Variants in ELMO3 observed in about 807,000 individuals in gnomAD.
ELMO3 encodes engulfment and cell motility protein 3.
Under a neutral mutation model 89.0 loss-of-function variants are expected in ELMO3, and 81 were observed. That is an observed-to-expected ratio of 0.91 (90% confidence interval 0.76 to 1.09). ELMO3 has a LOEUF of 1.09. ELMO3 is among the 50% of genes least tolerant of loss of function. ELMO3 has a pLI of 0.00. For synonymous variants in ELMO3, 406 were observed against 400.6 expected (o/e 1.01, Z -0.16); for missense variants, 959 against 972.8 (o/e 0.99, Z 0.19).
Position 67,200,947 on chromosome 16 carries a change from G to A in ELMO3, c.723G>A (p.Gly241=), listed in dbSNP as rs750396329. 6 of 1,609,398 alleles carry A rather than the reference G, an allele frequency of 3.7e-6. No individual in the cohort carries two copies. The highest frequency in any genetic ancestry group is 1.3e-5 in the African/African-American group (1 of 74,752). Residue 241 remains glycine (G), a synonymous_variant, in exon 8 of 20, where the codon GGG becomes GGA. Transcript: ENST00000393997. ...AMALLTALLQ[G]ASPVERKHML... ...CCCTGCTGACAGCCTTGCTGCAGGG[G>A]GCCAGCCCTGTGGAACGCAAGGTGA...
intron 8 of ELMO3, 81 bp downstream of exon 8, chr16:67,201,049 C>CTT (rs797015351): frequency 2.5e-3 from 2,798 of 1,123,642 alleles, no homozygotes; most frequent in Non-Finnish European, 2.8e-3. Context: ...CTAAGCCCCC[C>CTT]TTTTTTTTTT....
intron 14 of ELMO3, 45 bp downstream of exon 14, chr16:67,202,578 T>C: frequency 6.2e-7 from 1 of 1,612,416 alleles, no homozygotes; most frequent in Admixed American, 1.7e-5. Context: ...GGCAGGGGGC[T>C]GATCTGGGTA....
rs761955738 is a variant in ELMO3 at position 67,203,570 on chromosome 16, C to A, written c.1937C>A (p.Pro646His). 11 of 1,613,990 alleles carry A rather than the reference C, an allele frequency of 6.8e-6. No individual in the cohort carries two copies. The highest frequency in any genetic ancestry group is 7.6e-6 in the Non-Finnish European group (9 of 1,180,036). ...GAAGCGTACCTCAACTTCATTGCCCCCTCCAAGCGGGAGGTGAGTGTCCGC... is the reference window on the plus strand; with the variant it reads ...GAAGCGTACCTCAACTTCATTGCCCACTCCAAGCGGGAGGTGAGTGTCCGC... Reference protein sequence around the residue: ...EEEAYLNFIAPSKREFYLWTD... With the variant: ...EEEAYLNFIAHSKREFYLWTD... The change falls in exon 19 of 20, where the codon CCC becomes CAC. Residue 646 changes from proline to histidine, a missense_variant. Physicochemically the swap from Pro to His is moderately conservative, Grantham distance 77 (BLOSUM62 -2). Transcript: ENST00000393997. This position sits in a 1 kb window ranked among gnomAD's most constrained non-coding sequence, Gnocchi z 4.6.
Position 67,202,053 on chromosome 16 carries a change from G to A in ELMO3, c.1127G>A (p.Arg376Lys). The change falls in exon 12 of 20, where the codon AGA becomes AAA. Residue 376 changes from arginine to lysine, a missense_variant. By Grantham distance (26) the Arg-to-Lys change is conservative. Coordinates refer to ENST00000393997, the MANE Select transcript of ELMO3 (RefSeq NM_024712.5). ...CTGGACAACATGTTGTACTTCTCCAGAAACGCGCCCAGCGCGTACAGCCGG... is the reference window on the plus strand; with the variant it reads ...CTGGACAACATGTTGTACTTCTCCAAAAACGCGCCCAGCGCGTACAGCCGG... ...LALDNMLYFS[R>K]NAPSAYSRFV... 1 of 1,414,050 alleles carries A rather than the reference G, an allele frequency of 7.1e-7. No homozygotes were observed. The highest frequency in any genetic ancestry group is 9.5e-7 in the Non-Finnish European group (1 of 1,050,068). The allele number at this position is 1,414,050 out of a possible 1,614,324, so 87.6% of individuals were successfully genotyped here. A position where few individuals can be genotyped will look rare whatever the true frequency, so the allele number is the denominator to read the frequency against.
In ELMO3 at chr16:67,200,709, C is replaced by A; in HGVS notation, c.566C>A (p.Ala189Asp). ...NLMDASVPPL[A>D]LGLLESVTLS... ...ATGGATGCCTCCGTGCCTCCCCTGG[C>A]CCTTGGGCTGCTGGAGAGTGTGACC... The change falls in exon 7 of 20, where the codon GCC (alanine) becomes GAC (aspartate). Residue 189 changes from alanine (A) to aspartate (D), a missense_variant. By Grantham distance (126) the Ala-to-Asp change is moderately radical (BLOSUM62 -2). Transcript: ENST00000393997. The A allele has an allele frequency of 5.0e-6, 8 of 1,613,586 alleles. No individual in the cohort carries two copies. The highest frequency in any genetic ancestry group is 6.8e-6 in the Non-Finnish European group (8 of 1,180,000).
Position 67,199,295 on chromosome 16 carries a change from G to T in ELMO3, c.-32G>T, listed in dbSNP as rs780733882. On this transcript the variant is annotated 5_prime_UTR_variant, in exon 1 of 20. Coordinates refer to ENST00000393997, the MANE Select transcript of ELMO3 (RefSeq NM_024712.5). ...CTTGGCCGCAGGTGCACGGTCTCCG[G>T]AAAGTGCAGGCGCCCACGTCCCAGC... 8.7e-6 allele frequency: 14 copies of T among 1,612,356 alleles called. No homozygotes were observed. The highest frequency in any genetic ancestry group is 1.1e-5 in the Non-Finnish European group (13 of 1,179,884).
Position 67,200,250 on chromosome 16 carries a change from G to A in ELMO3, c.302G>A (p.Arg101Gln), listed in dbSNP as rs1354531329. Residue 101 changes from arginine (R) to glutamine (Q), a missense_variant, in exon 5 of 20, where the codon CGG (arginine) becomes CAG (glutamine). Transcript: ENST00000393997. ...CAGAGTAACAGTCCTGAAGGGCGCC[G>A]GGAAGCCCTGAGGCGCCTTGTTCCG... is the stretch of plus-strand genomic sequence containing the variant. ...GLQSNSPEGR[R>Q]EALRRLVPLA... The A allele has an allele frequency of 4.3e-6, 7 of 1,613,618 alleles. No individual in the cohort carries two copies. Among genetic ancestry groups the A allele is most frequent in the Admixed American group, 3.3e-5 (2 of 60,010 alleles).
chr16:67,200,593 A>C (rs758977132), intron 6 of ELMO3, 43 bp downstream of exon 6: 13 of 1,612,120 alleles, frequency 8.1e-6, no homozygotes, highest in African/African-American at 1.3e-5. Flanking sequence ...GCAGTGGAGC[A>C]GTGGGGCAGT....
rs749786124 is a variant in ELMO3, at chr16:67,200,776, GC to G, written c.637del (p.Leu213TrpfsTer10). The G allele has an allele frequency of 6.2e-7, 1 of 1,613,476 alleles. No individual in the cohort carries two copies. The highest frequency in any genetic ancestry group is 1.1e-5 in the South Asian group (1 of 91,050). On this transcript the variant is annotated frameshift_variant, in exon 7 of 20. Coordinates refer to ENST00000393997, the MANE Select transcript of ELMO3 (RefSeq NM_024712.5). LOFTEE classifies it high-confidence loss of function. ...ALGQLVKSEV[P>X]LDRLLVHLQV... ...TGGGCCAGCTGGTCAAGAGCGAGGT[GC>G]CCCTGGATAGGCTGCTGGTGCACCT...
rs753596419 is a variant in ELMO3, at chr16:67,201,212, A to ATTTT, written c.745-151_745-148dup. Among the ~76,000 whole-genome samples, 414 of 94,234 alleles carry ATTTT rather than the reference A, an allele frequency of 4.4e-3. 9 individuals carry two copies. The highest frequency in any genetic ancestry group is 0.019 in the African/African-American group (396 of 20,516). 61.8% of individuals were successfully genotyped at this position (94,234 alleles called of 152,430 possible). A position where few individuals can be genotyped will look rare whatever the true frequency, so the allele number is the denominator to read the frequency against. Reference sequence around the variant, plus strand: ...AGGCTCCCGCCACCACGCCCAGCTGATTTTTTTTTTTTTTTTTTTTTTTTT... The same window carrying ATTTT: ...AGGCTCCCGCCACCACGCCCAGCTGATTTTTTTTTTTTTTTTTTTTTTTTTTTTT... On this transcript the variant is annotated intron_variant, in intron 8 of 19. Transcript: ENST00000393997.
rs1457503471 is a variant in ELMO3, at chr16:67,203,964, CAG to C, written c.*91_*92del. The C allele has an allele frequency of 1.7e-6, 2 of 1,157,088 alleles. No individual in the cohort carries two copies. Among genetic ancestry groups the C allele is most frequent in the Admixed American group, 5.5e-5 (2 of 36,438 alleles). 71.7% of individuals were successfully genotyped at this position (1,157,088 alleles called of 1,614,324 possible). ...AGAGGAGTGCAGGCACCCTGACCAG[CAG>C]AGATTGCTGCAGAAATAAAGTCTGC... On this transcript the variant is annotated 3_prime_UTR_variant, in exon 20 of 20. Transcript: ENST00000393997. This position sits in a 1 kb window ranked among gnomAD's most constrained non-coding sequence, Gnocchi z 4.6.
Position 67,199,594 on chromosome 16 carries a change from G to GT in ELMO3, c.119+2dup, listed in dbSNP as rs1339730600. On this transcript the variant is annotated splice_donor_variant, in intron 2 of 19. Transcript: ENST00000393997. LOFTEE classifies it high-confidence loss of function. ...CTGTGCTGAAGGAGGTGTGCGACGC[G>GT]TGAGTGCTGCCGGGCCAGGGCCTGC... 2 of 1,609,498 alleles carry GT rather than the reference G, an allele frequency of 1.2e-6. No individual in the cohort carries two copies. The highest frequency in any genetic ancestry group is 1.7e-6 in the Non-Finnish European group (2 of 1,179,250).
chr16:67,202,311 T>C lies in ELMO3; in HGVS notation c.1261+27T>C, dbSNP rs375464299. ...TGAGTGGCCTGGACTGGGCACAGCA[T>C]GGCCAAGAGCAGGGGACGGAAGGGC... On this transcript the variant is annotated intron_variant, in intron 13 of 19. Coordinates refer to ENST00000393997, the MANE Select transcript of ELMO3 (RefSeq NM_024712.5). The C allele has an allele frequency of 4.4e-5, 71 of 1,613,256 alleles. No individual in the cohort carries two copies. In the African/African-American group the frequency reaches 8.1e-4, roughly 18 times the overall value.
In ELMO3 at chr16:67,201,813, G is replaced by C; in HGVS notation, c.990G>C (p.Gly330=). Residue 330 remains glycine, a synonymous_variant, in exon 11 of 20, where the codon GGG becomes GGC. Coordinates refer to ENST00000393997, the MANE Select transcript of ELMO3 (RefSeq NM_024712.5). ...FEVEGESSGA[G]LSADRRRSLC... ...TGGAGGGGGAGTCCTCGGGTGCCGG[G>C]CTAAGTGCTGACCGTCGCCGTTCCC... The C allele has an allele frequency of 1.2e-6, 2 of 1,612,048 alleles. No individual in the cohort carries two copies. Among genetic ancestry groups the C allele is most frequent in the Non-Finnish European group, 8.5e-7 (1 of 1,179,976 alleles).
rs747919303 is a variant in ELMO3 at position 67,199,605 on chromosome 16, C to T, written c.119+12C>T. On this transcript the variant is annotated intron_variant, in intron 2 of 19. Coordinates refer to ENST00000393997, the MANE Select transcript of ELMO3 (RefSeq NM_024712.5). ...GAGGTGTGCGACGCGTGAGTGCTGC[C>T]GGGCCAGGGCCTGCGGAGGGCGGGA... The T allele has an allele frequency of 7.5e-6, 12 of 1,609,148 alleles. No homozygotes were observed. Among genetic ancestry groups the T allele is most frequent in the East Asian group, 2.2e-5 (1 of 44,808 alleles).
At position 67,200,650 on chromosome 16, in the gene ELMO3, C is replaced by T. The variant is rs775987744; in HGVS notation, c.514-7C>T. 6.2e-6 allele frequency: 10 copies of T among 1,611,648 alleles called. No homozygotes were observed. Among genetic ancestry groups the T allele is most frequent in the Non-Finnish European group, 8.5e-6 (10 of 1,178,714 alleles). ...GGGTGAGGTGGTGACACCCCCGCCC[C>T]TTACAGGTGGTGTGCTACGTGAACA... is the stretch of plus-strand genomic sequence containing the variant. On this transcript the variant is annotated splice_polypyrimidine_tract_variant and splice_region_variant and intron_variant, in intron 6 of 19. Transcript: ENST00000393997.
At chr16:67,201,070 G>A (rs1279270296) in intron 8 of ELMO3, 102 bp downstream of exon 8, 5 of 1,261,000 alleles carry the variant, frequency 4.0e-6, no homozygotes, top group Non-Finnish European at 5.3e-6. Context: ...TTTTGAGATG[G>A]AGTCTTGCTC....
At position 67,200,740 on chromosome 16, in the gene ELMO3, C is replaced by G. The variant is rs1343302844; in HGVS notation, c.597C>G (p.Ser199Arg). The G allele has an allele frequency of 1.2e-6, 2 of 1,613,496 alleles. No individual in the cohort carries two copies. Among genetic ancestry groups the G allele is most frequent in the Non-Finnish European group, 1.7e-6 (2 of 1,180,008 alleles). ...GGCTGCTGGAGAGTGTGACCTTGAG[C>G]AGCCCAGCCCTGGGCCAGCTGGTCA... ...ALGLLESVTL[S>R]SPALGQLVKS... is the part of the protein sequence containing the mutation. The change falls in exon 7 of 20, where the codon AGC becomes AGG. Residue 199 changes from serine to arginine, a missense_variant. Transcript: ENST00000393997.
rs776823396 is a variant in ELMO3, at chr16:67,199,539, C to T, written c.79-14C>T. On this transcript the variant is annotated splice_polypyrimidine_tract_variant and intron_variant, in intron 1 of 19. Coordinates refer to ENST00000393997, the MANE Select transcript of ELMO3 (RefSeq NM_024712.5). ...TCCCTGCCCAGGCCGCGAGAATGACCACTCCACTTGCAGGCGAAGCCCCTG... is the reference window on the plus strand; with the variant it reads ...TCCCTGCCCAGGCCGCGAGAATGACTACTCCACTTGCAGGCGAAGCCCCTG... The T allele has an allele frequency of 4.4e-6, 7 of 1,601,608 alleles. No homozygotes were observed. In the East Asian group the frequency reaches 1.6e-4, roughly 36 times the overall value.
Sources: allele counts gnomAD v4.1 joint callset (sites outside exome capture counted in the v4.1 genomes callset), GRCh38; gene constraint gnomAD v4.1.1; non-coding constraint Gnocchi (gnomAD v3.1); transcripts MANE v1.5; gene names NCBI Gene and HGNC (gene_info 2026-07-23, HGNC 2026-07-21).